FAM219A: variants seen among roughly 807,000 people sequenced by gnomAD.
FAM219A encodes family with sequence similarity 219 member A.
FAM219A carries 7 observed loss-of-function variants against 23.4 expected under a neutral mutation model. The ratio of observed to expected loss-of-function variants is 0.30; its 90% CI spans 0.17 to 0.56. The LOEUF (loss-of-function observed/expected upper bound fraction) is 0.56, where lower values mean the gene tolerates loss of function less well. Ranked by LOEUF, FAM219A falls within the 20% of genes least tolerant of loss-of-function variation. The pLI, the probability that FAM219A is intolerant of heterozygous loss-of-function variation, is 0.92. For missense variants in FAM219A, 166 were observed against 246.9 expected, an observed-to-expected ratio of 0.67 and a Z score of 2.20; for synonymous variants, 93 against 99.0, an observed-to-expected ratio of 0.94 and a Z score of 0.36.
chr9:34,436,701 TA>T (rs1181167730), intron 1 of FAM219A, among the ~76,000 whole-genome samples: 1 of 152,252 alleles, frequency 6.6e-6, no homozygotes, highest in Non-Finnish European at 1.5e-5. Context: ...TGTGACAATG[TA>T]TACTCTCACC....
At chr9:34,419,072 CTCAA>C (rs1250151240) in intron 1 of FAM219A, among the ~76,000 whole-genome samples, 6 of 148,948 alleles carry the variant, frequency 4.0e-5, no homozygotes, top group Non-Finnish European at 8.9e-5. Context: ...AAGACTCTGT[CTCAA>C]ACAAACAAAC....
chr9:34,419,571 G>T (rs540947419), intron 1 of FAM219A, among the ~76,000 whole-genome samples: 1 of 152,144 alleles, frequency 6.6e-6, no homozygotes, highest in Admixed American at 6.5e-5. Flanking sequence ...AAGACATGTG[G>T]TTGGAGACTC....
At chr9:34,441,658 A>G (rs1309108786) in intron 1 of FAM219A, among the ~76,000 whole-genome samples, 1 of 152,190 alleles carries the variant, frequency 6.6e-6, no homozygotes, top group Non-Finnish European at 1.5e-5. Flanking sequence ...GAAATTCCTG[A>G]TGGAATAATG....
chr9:34,415,620 C>T (rs1821972720), intron 1 of FAM219A, among the ~76,000 whole-genome samples: 1 of 152,324 alleles, frequency 6.6e-6, no homozygotes, highest in African/African-American at 2.4e-5. Flanking sequence ...TCTGGGGCTT[C>T]CCTTCCTTCT....
chr9:34,458,362 C>G lies in FAM219A; in HGVS notation c.-99G>C, dbSNP rs1232091362. 1.1e-6 allele frequency: 1 copy of G among 887,046 alleles called. No individual in the cohort carries two copies. The highest frequency in any genetic ancestry group is 1.5e-6 in the Non-Finnish European group (1 of 687,636). The allele number at this position is 887,046 out of a possible 1,614,324, so 54.9% of individuals were successfully genotyped here. On this transcript the variant is annotated 5_prime_UTR_variant, in exon 1 of 6. Transcript: ENST00000651358. This position sits in a 1 kb window ranked among gnomAD's most constrained non-coding sequence, Gnocchi z 6.6. Reference sequence around the variant, plus strand: ...CCAGGAGCCCGGCGGGTGGTGCAGACTAGGCCTCCCCGGACCACTCGGGCG... The same window carrying G: ...CCAGGAGCCCGGCGGGTGGTGCAGAGTAGGCCTCCCCGGACCACTCGGGCG...
At chr9:34,447,964 C>T (rs1039807987) in intron 1 of FAM219A, among the ~76,000 whole-genome samples, 1 of 151,812 alleles carries the variant, frequency 6.6e-6, no homozygotes, top group East Asian at 1.9e-4. Context: ...CTCGAACTCC[C>T]GGGCTCAAGC....
At position 34,425,412 on chromosome 9, in the gene FAM219A, G is replaced by A. The variant is rs1588051910; in HGVS notation, c.61-19448C>T. On this transcript the variant is annotated intron_variant, in intron 1 of 5. Transcript: ENST00000651358. The stretch of plus-strand genomic sequence containing the variant: ...GGAGAATCTCATGAACCTGGGAGGC[G>A]GAGGTTGCAGTGAGCCGAGATCGTG... Among the ~76,000 whole-genome samples the A allele has an allele frequency of 5.3e-5, 8 of 152,238 alleles. No individual in the cohort carries two copies. In the South Asian group the frequency reaches 1.0e-3, roughly 20 times the overall value.
chr9:34,409,815 T>C (rs1323325586), intron 1 of FAM219A, among the ~76,000 whole-genome samples: 2 of 152,222 alleles, frequency 1.3e-5, no homozygotes, highest in East Asian at 3.8e-4. Context: ...GATTCACCTT[T>C]ATTTCATTTA....
At chr9:34,416,776 T>A (rs2131954263) in intron 1 of FAM219A, among the ~76,000 whole-genome samples, 1 of 148,404 alleles carries the variant, frequency 6.7e-6, no homozygotes, top group Admixed American at 6.7e-5. Context: ...TCTGTATTTT[T>A]AAAATTAGTA....
At chr9:34,436,256 T>G (rs1342339644) in intron 1 of FAM219A, among the ~76,000 whole-genome samples, 1 of 151,392 alleles carries the variant, frequency 6.6e-6, no homozygotes, top group Admixed American at 6.6e-5. Flanking sequence ...TTTTTTTGGG[T>G]TTTTTTTGAG....
intron 1 of FAM219A, among the ~76,000 whole-genome samples, chr9:34,416,184 AAAG>A (rs2131951433): frequency 1.9e-4 from 1 of 5,220 alleles, no homozygotes; most frequent in East Asian, 5.3e-3. Flanking sequence ...AAGAAAGAGA[AAAG>A]AAAGAAAGAA....
chr9:34,411,534 A>G (rs1042432064), intron 1 of FAM219A, among the ~76,000 whole-genome samples: 4 of 151,734 alleles, frequency 2.6e-5, no homozygotes, highest in Admixed American at 1.3e-4. Context: ...AAACTTAGCC[A>G]GGCACGGTGG....
Position 34,416,294 on chromosome 9 carries a change from G to GGAAGGAAC in FAM219A, c.61-10331_61-10330insGTTCCTTC, listed in dbSNP as rs1554676926. ...GGGAGGGAAGGAAGGAAGGAAGGAA[G>GGAAGGAAC]GAAGGAAGGAAGGAACGAAGGAAGG... On this transcript the variant is annotated intron_variant, in intron 1 of 5. Coordinates refer to ENST00000651358, the MANE Select transcript of FAM219A (RefSeq NM_001184940.2). Among the ~76,000 whole-genome samples the GGAAGGAAC allele has an allele frequency of 6.2e-5, 9 of 145,018 alleles. 1 individual carries two copies. The highest frequency in any genetic ancestry group is 5.5e-4 in the Admixed American group (8 of 14,514).
intron 4 of FAM219A, chr9:34,402,124 G>T: frequency 7.0e-7 from 1 of 1,436,114 alleles, no homozygotes; most frequent in South Asian, 1.5e-5. Context: ...CAACATCACA[G>T]GCCAATTAGG....
At chr9:34,412,632 G>A (rs1243395897) in intron 1 of FAM219A, among the ~76,000 whole-genome samples, 1 of 150,754 alleles carries the variant, frequency 6.6e-6, no homozygotes, top group Non-Finnish European at 1.5e-5. Flanking sequence ...GTGAAGTTCT[G>A]GGAAATATCC....
chr9:34,405,182 AC>A, intron 2 of FAM219A, among the ~76,000 whole-genome samples: 1 of 152,330 alleles, frequency 6.6e-6, no homozygotes, highest in Admixed American at 6.5e-5. Flanking sequence ...AGACAGTGAA[AC>A]TTTGGTCCCT....
intron 1 of FAM219A, among the ~76,000 whole-genome samples, chr9:34,423,881 TC>T (rs1390334555): frequency 6.6e-6 from 1 of 152,158 alleles, no homozygotes; most frequent in African/African-American, 2.4e-5. Context: ...CCAGGTTTCC[TC>T]CTGACTCAGG....
chr9:34,422,197 C>T (rs1426756415), intron 1 of FAM219A, among the ~76,000 whole-genome samples: 2 of 152,248 alleles, frequency 1.3e-5, no homozygotes, highest in East Asian at 1.9e-4. Context: ...GTAGTTCTTC[C>T]AAAACTCATC....
chr9:34,416,269 GGGAGGGAAGGAA>G (rs1231458366), intron 1 of FAM219A, among the ~76,000 whole-genome samples: 5 of 69,886 alleles, frequency 7.2e-5, no homozygotes, highest in Non-Finnish European at 1.2e-4. Context: ...GGGGGAGGGA[GGGAGGGAAGGAA>G]GGAAGGAAGG....
Sources: allele counts gnomAD v4.1 joint callset (sites outside exome capture counted in the v4.1 genomes callset), GRCh38; gene constraint gnomAD v4.1.1; non-coding constraint Gnocchi (gnomAD v3.1); transcripts MANE v1.5; gene names NCBI Gene and HGNC (gene_info 2026-07-23, HGNC 2026-07-21).